Variants in SYT1 observed in about 807,000 individuals in gnomAD.
SYT1 encodes synaptotagmin-1.
In SYT1, 8 loss-of-function variants were observed where a neutral mutation model predicts 44.8. The observed-to-expected ratio is 0.18, with a 90% CI of 0.10 to 0.32. The LOEUF is 0.32. SYT1 is among the 10% of genes least tolerant of loss of function. SYT1 has a pLI of 1.00. For missense variants in SYT1, 286 were observed against 509.3 expected (o/e 0.56, Z 4.22); for synonymous variants, 154 against 188.8 (o/e 0.82, Z 1.51).
chr12:79,108,756 T>C (rs1226142131), intron 3 of SYT1, among the ~76,000 whole-genome samples: 1 of 152,342 alleles, frequency 6.6e-6, no homozygotes, highest in East Asian at 1.9e-4. Flanking sequence ...CTTTTAAATA[T>C]AGTACTTCTT....
intron 3 of SYT1, among the ~76,000 whole-genome samples, chr12:79,186,090 A>C (rs140790923): frequency 6.6e-6 from 1 of 151,880 alleles, no homozygotes; most frequent in South Asian, 2.1e-4. Flanking sequence ...TCAAATTTAC[A>C]TCTTCTAAAA....
At chr12:79,400,198 T>C (rs1038115914) in intron 9 of SYT1, among the ~76,000 whole-genome samples, 1 of 152,198 alleles carries the variant, frequency 6.6e-6, no homozygotes, top group Non-Finnish European at 1.5e-5. Context: ...TTTATGTTTA[T>C]GGACATAGTA....
At chr12:79,349,003 GAAAGAAA>G (rs1565919742) in intron 8 of SYT1, among the ~76,000 whole-genome samples, 3 of 18,824 alleles carry the variant, frequency 1.6e-4, no homozygotes, top group African/African-American at 3.1e-4. Context: ...GAGAAGGAAA[GAAAGAAA>G]GAAAGAAAGA....
intron 1 of SYT1, among the ~76,000 whole-genome samples, chr12:78,931,903 C>T (rs1470706709): frequency 1.3e-5 from 2 of 152,190 alleles, no homozygotes; most frequent in Non-Finnish European, 2.9e-5. Flanking sequence ...TCTCTGCACC[C>T]ACTTCTCCCA....
At chr12:78,988,081 T>C (rs924017765) in intron 2 of SYT1, among the ~76,000 whole-genome samples, 2 of 152,060 alleles carry the variant, frequency 1.3e-5, no homozygotes, top group South Asian at 2.1e-4. Flanking sequence ...ATCAAACCTG[T>C]CATCTCTCTC....
At chr12:79,250,789 G>T (rs892956740) in intron 4 of SYT1, among the ~76,000 whole-genome samples, 12 of 152,148 alleles carry the variant, frequency 7.9e-5, no homozygotes, top group Non-Finnish European at 5.9e-5. Flanking sequence ...ACCTACCCTG[G>T]CTTCCACAAA....
At chr12:79,293,298 T>C (rs1879684850) in intron 6 of SYT1, among the ~76,000 whole-genome samples, 2 of 150,018 alleles carry the variant, frequency 1.3e-5, no homozygotes. Context: ...CACTCCAGCC[T>C]GGGCGACAGA....
chr12:78,999,281 C>A (rs1278982540), intron 2 of SYT1, among the ~76,000 whole-genome samples: 2 of 152,134 alleles, frequency 1.3e-5, no homozygotes, highest in Non-Finnish European at 2.9e-5. Context: ...AGGCAGCAAA[C>A]AATTTAGAGG....
intron 3 of SYT1, among the ~76,000 whole-genome samples, chr12:79,108,948 G>A (rs1455769103): frequency 2.0e-5 from 3 of 152,272 alleles, no homozygotes; most frequent in African/African-American, 7.2e-5. Flanking sequence ...AACGTTGCGG[G>A]AACTTTTCCT....
intron 4 of SYT1, among the ~76,000 whole-genome samples, chr12:79,218,454 C>G (rs1404490636): frequency 1.3e-5 from 2 of 152,152 alleles, no homozygotes; most frequent in African/African-American, 2.4e-5. Context: ...TCATGTTGTG[C>G]AAAAGATCTC....
intron 8 of SYT1, among the ~76,000 whole-genome samples, chr12:79,324,797 A>C (rs767144272): frequency 3.4e-4 from 51 of 152,202 alleles, no homozygotes; most frequent in Non-Finnish European, 4.7e-4. Context: ...CTTTTTGTGA[A>C]TATTCCATAA....
chr12:79,152,566 T>C (rs1157662627), intron 3 of SYT1, among the ~76,000 whole-genome samples: 1 of 152,192 alleles, frequency 6.6e-6, no homozygotes, highest in Non-Finnish European at 1.5e-5. Flanking sequence ...TGAGGAATTA[T>C]ATATTCCTCA....
Position 79,153,093 on chromosome 12 carries a change from C to T in SYT1, c.-17-64410C>T, listed in dbSNP as rs183198715. On this transcript the variant is annotated intron_variant, in intron 3 of 10. Coordinates refer to ENST00000261205, the MANE Select transcript of SYT1 (RefSeq NM_005639.3). ...TTGTCATCGATGACCAAAAAACAAC[C>T]CCAAAAAAGGCATTAAACTCAAAAG... 5.9e-3 allele frequency among the ~76,000 whole-genome samples: 902 copies of T among 151,884 alleles called. 6 individuals are homozygous for T. Among genetic ancestry groups the T allele is most frequent in the African/African-American group, 0.02 (848 of 41,434 alleles).
chr12:79,308,650 AAGAAAG>A (rs1880601017), intron 8 of SYT1, among the ~76,000 whole-genome samples: 1 of 125,604 alleles, frequency 8.0e-6, no homozygotes, highest in African/African-American at 3.4e-5. Context: ...GAAAGAAAGA[AAGAAAG>A]AAAAGAGAAG....
At chr12:79,145,156 T>C (rs1362690857) in intron 3 of SYT1, among the ~76,000 whole-genome samples, 1 of 152,218 alleles carries the variant, frequency 6.6e-6, no homozygotes, top group African/African-American at 2.4e-5. Context: ...CTTGTTCATT[T>C]CTACTCTTCC....
At chr12:79,215,616 A>C (rs1874737744) in intron 3 of SYT1, among the ~76,000 whole-genome samples, 2 of 152,154 alleles carry the variant, frequency 1.3e-5, no homozygotes, top group African/African-American at 4.8e-5. Flanking sequence ...GGATCATGCG[A>C]GCCCAGGAGC....
intron 3 of SYT1, among the ~76,000 whole-genome samples, chr12:79,083,462 C>G (rs1877173123): frequency 6.6e-6 from 1 of 151,936 alleles, no homozygotes; most frequent in Non-Finnish European, 1.5e-5. Context: ...AGGTCAGCTC[C>G]CTTTGTAAAG....
chr12:79,178,994 A>C lies in SYT1; in HGVS notation c.-17-38509A>C, dbSNP rs1419176274. ...TATATAGATATAGATATATCTATAT[A>C]GATATAGATATAGATATATAGATAT... On this transcript the variant is annotated intron_variant, in intron 3 of 10. Coordinates refer to ENST00000261205, the MANE Select transcript of SYT1 (RefSeq NM_005639.3). Among the ~76,000 whole-genome samples, 30 of 42,598 alleles carry C rather than the reference A, an allele frequency of 7.0e-4. 5 individuals carry two copies. Among genetic ancestry groups the C allele is most frequent in the African/African-American group, 1.7e-3 (18 of 10,802 alleles). 27.9% of individuals were successfully genotyped at this position (42,598 alleles called of 152,430 possible). A position where few individuals can be genotyped will look rare whatever the true frequency, so the allele number is the denominator to read the frequency against.
intron 1 of SYT1, among the ~76,000 whole-genome samples, chr12:78,875,149 A>G (rs1874000926): frequency 6.6e-6 from 1 of 151,670 alleles, no homozygotes. Context: ...AACGTTATCA[A>G]TTTGTACAAA....
Sources: allele counts gnomAD v4.1 joint callset (sites outside exome capture counted in the v4.1 genomes callset), GRCh38; gene constraint gnomAD v4.1.1; transcripts MANE v1.5; gene names NCBI Gene and HGNC (gene_info 2026-07-23, HGNC 2026-07-21).